Variants in ASTN2 observed in about 807,000 individuals in gnomAD.
ASTN2 encodes astrotactin-2.
ASTN2 carries 54 observed loss-of-function variants against 139.8 expected under a neutral mutation model. The observed-to-expected ratio is 0.39, with a 90% CI of 0.31 to 0.48. The LOEUF (loss-of-function observed/expected upper bound fraction) is 0.48, where lower values mean the gene tolerates loss of function less well. Ranked by LOEUF, ASTN2 falls within the 20% of genes least tolerant of loss-of-function variation. The pLI is 0.95. For synonymous variants in ASTN2, 756 were observed against 719.5 expected (o/e 1.05, Z -0.81); for missense variants, 1,565 against 1,725.1 (o/e 0.91, Z 1.64).
rs138128004 is a variant in ASTN2, at chr9:117,134,347, T to C, written c.1168+6979A>G. On this transcript the variant is annotated intron_variant, in intron 4 of 22. Transcript: ENST00000313400. ...ACACACACACACACACACGCCTGTG[T>C]TCCAGGGACAGTGTCCCACAGTAAA... Among the ~76,000 whole-genome samples, 1,188 of 137,924 alleles carry C rather than the reference T, an allele frequency of 8.6e-3. 31 individuals carry two copies. Among genetic ancestry groups the C allele is most frequent in the African/African-American group, 0.031 (1,128 of 36,428 alleles). 90.5% of individuals were successfully genotyped at this position (137,924 alleles called of 152,430 possible). A position where few individuals can be genotyped will look rare whatever the true frequency, so the allele number is the denominator to read the frequency against.
chr9:116,511,120 T>C (rs2119186085), intron 19 of ASTN2, among the ~76,000 whole-genome samples: 1 of 152,328 alleles, frequency 6.6e-6, no homozygotes, highest in African/African-American at 2.4e-5. Context: ...GCCCATTCAG[T>C]ATGATATTGG....
chr9:117,222,561 C>T (rs1347455630), intron 2 of ASTN2, among the ~76,000 whole-genome samples: 2 of 152,180 alleles, frequency 1.3e-5, no homozygotes, highest in Admixed American at 6.5e-5. Flanking sequence ...GGACCAAACT[C>T]TCAGTCCTGA....
At chr9:116,769,211 A>G (rs375985253) in intron 13 of ASTN2, among the ~76,000 whole-genome samples, 4 of 152,342 alleles carry the variant, frequency 2.6e-5, no homozygotes, top group South Asian at 4.1e-4. Flanking sequence ...AAGTCAGGGA[A>G]TGAGTTTTCA....
At chr9:116,884,803 G>GCCCCCCCCCCCCC (rs759933298) in intron 10 of ASTN2, among the ~76,000 whole-genome samples, 3 of 69,640 alleles carry the variant, frequency 4.3e-5, no homozygotes, top group African/African-American at 1.3e-4. Context: ...CCAAATATCC[G>GCCCCCCCCCCCCC]CCCCCCCCCC....
chr9:117,076,999 A>G (rs923442492), intron 5 of ASTN2, among the ~76,000 whole-genome samples: 7 of 152,028 alleles, frequency 4.6e-5, no homozygotes, highest in African/African-American at 1.7e-4. Context: ...TTTTAATTTA[A>G]TTTTGTTCAG....
chr9:116,603,493 G>T (rs1409050027), intron 19 of ASTN2, among the ~76,000 whole-genome samples: 2 of 152,168 alleles, frequency 1.3e-5, no homozygotes, highest in African/African-American at 4.8e-5. Flanking sequence ...TGGATTGTTG[G>T]ACAGAAAATC....
chr9:116,932,003 A>C (rs1362449131), intron 10 of ASTN2, among the ~76,000 whole-genome samples: 1 of 152,102 alleles, frequency 6.6e-6, no homozygotes, highest in Non-Finnish European at 1.5e-5. Context: ...GGTTTGGCTG[A>C]ACTGTGAGAA....
chr9:117,173,325 A>T (rs1830838501), intron 3 of ASTN2, among the ~76,000 whole-genome samples: 1 of 152,156 alleles, frequency 6.6e-6, no homozygotes, highest in Non-Finnish European at 1.5e-5. Flanking sequence ...AAGCAACCGT[A>T]ACTACAAAAA....
chr9:116,444,671 G>A (rs769718419), intron 20 of ASTN2, among the ~76,000 whole-genome samples: 1 of 152,108 alleles, frequency 6.6e-6, no homozygotes, highest in Non-Finnish European at 1.5e-5. Context: ...AAGGAAGCAG[G>A]GGGTGACAGA....
chr9:116,785,058 C>G (rs1457579738), intron 13 of ASTN2, among the ~76,000 whole-genome samples: 1 of 151,970 alleles, frequency 6.6e-6, no homozygotes, highest in Non-Finnish European at 1.5e-5. Flanking sequence ...GAAAATTATT[C>G]AGTCTCTTAA....
intron 11 of ASTN2, among the ~76,000 whole-genome samples, chr9:116,823,087 C>T (rs1450906418): frequency 6.6e-6 from 1 of 152,176 alleles, no homozygotes; most frequent in Non-Finnish European, 1.5e-5. Context: ...AGAAGGAGCA[C>T]CACCAGAAAT....
intron 10 of ASTN2, among the ~76,000 whole-genome samples, chr9:116,950,016 T>C (rs1369442666): frequency 2.6e-5 from 4 of 152,070 alleles, no homozygotes; most frequent in Admixed American, 1.3e-4. Context: ...TATTTCAGTA[T>C]CAGTTATGAG....
intron 13 of ASTN2, among the ~76,000 whole-genome samples, chr9:116,770,224 T>C (rs1019276843): frequency 2.0e-5 from 3 of 152,068 alleles, no homozygotes; most frequent in African/African-American, 4.8e-5. Flanking sequence ...TGGGGGTTGG[T>C]GCCCATTTGC....
At chr9:116,443,987 T>C (rs1472247638) in intron 20 of ASTN2, among the ~76,000 whole-genome samples, 1 of 152,324 alleles carries the variant, frequency 6.6e-6, no homozygotes, top group Non-Finnish European at 1.5e-5. Context: ...AAGTTGGTGA[T>C]ACAAATTAAT....
chr9:116,797,029 C>T (rs1454616852), intron 13 of ASTN2, among the ~76,000 whole-genome samples: 1 of 151,364 alleles, frequency 6.6e-6, no homozygotes, highest in African/African-American at 2.4e-5. Flanking sequence ...CTATAATCCT[C>T]AGACTAGTCT....
At chr9:117,325,011 C>T (rs1449683679) in intron 1 of ASTN2, among the ~76,000 whole-genome samples, 7 of 152,048 alleles carry the variant, frequency 4.6e-5, no homozygotes, top group East Asian at 3.9e-4. Context: ...TTCTGAGAGG[C>T]GGTGATGGGT....
At chr9:116,638,082 C>G (rs190092912) in intron 17 of ASTN2, among the ~76,000 whole-genome samples, 174 of 152,306 alleles carry the variant, frequency 1.1e-3, no homozygotes, top group Admixed American at 5.4e-3. Context: ...GTAATACATA[C>G]AGGTTGGCCT....
chr9:116,999,145 C>A (rs77908174), intron 7 of ASTN2, among the ~76,000 whole-genome samples: 1 of 152,128 alleles, frequency 6.6e-6, no homozygotes, highest in Non-Finnish European at 1.5e-5. Context: ...ATTCAATTTG[C>A]TATAAATGCC....
At chr9:117,321,751 A>G (rs567127280) in intron 1 of ASTN2, among the ~76,000 whole-genome samples, 1 of 152,238 alleles carries the variant, frequency 6.6e-6, no homozygotes, top group African/African-American at 2.4e-5. Context: ...GGAACTATTC[A>G]CATTTTAAGC....
Sources: gnomAD v4.1 joint callset for allele counts (sites outside exome capture counted in the v4.1 genomes callset) on GRCh38, gnomAD v4.1.1 for gene constraint, MANE v1.5 for transcripts, NCBI Gene and HGNC (gene_info 2026-07-23, HGNC 2026-07-21) for gene names.